Variants in MYO1E observed in about 807,000 individuals in gnomAD.
The protein encoded by MYO1E is myosin IE, also known as unconventional myosin-Ie.
Under a neutral mutation model 151.1 loss-of-function variants are expected in MYO1E, and 68 were observed. The ratio of observed to expected loss-of-function variants is 0.45; its 90% CI spans 0.37 to 0.55. The LOEUF is 0.55. Ranked by LOEUF, MYO1E falls within the 20% of genes least tolerant of loss-of-function variation. The pLI is 0.00. For synonymous variants in MYO1E, 601 were observed against 501.7 expected (o/e 1.20, Z -2.64); for missense variants, 1,363 against 1,389.3 (o/e 0.98, Z 0.30).
intron 16 of MYO1E, among the ~76,000 whole-genome samples, chr15:59,196,720 G>A (rs1354009544): frequency 2.6e-5 from 4 of 152,108 alleles, no homozygotes; most frequent in Non-Finnish European, 4.4e-5. Context: ...CATTCTTTGC[G>A]ATGCTTGAAA....
chr15:59,312,558 A>G (rs578089249), intron 1 of MYO1E, among the ~76,000 whole-genome samples: 3 of 152,284 alleles, frequency 2.0e-5, no homozygotes, highest in Non-Finnish European at 4.4e-5. Context: ...GGCTGTTACA[A>G]TGGCATCATA....
At chr15:59,361,270 A>G (rs1426451972) in intron 1 of MYO1E, among the ~76,000 whole-genome samples, 2 of 152,246 alleles carry the variant, frequency 1.3e-5, no homozygotes, top group Non-Finnish European at 2.9e-5. Context: ...GCACAAAATC[A>G]TAAGAAAGTA....
At chr15:59,356,693 T>G (rs1267991125) in intron 1 of MYO1E, among the ~76,000 whole-genome samples, 2 of 146,332 alleles carry the variant, frequency 1.4e-5, no homozygotes, top group Non-Finnish European at 3.1e-5. Context: ...TCCTCCCACA[T>G]AAGCCTCCCA....
At chr15:59,331,957 T>G (rs577656542) in intron 1 of MYO1E, among the ~76,000 whole-genome samples, 9 of 152,290 alleles carry the variant, frequency 5.9e-5, no homozygotes, top group African/African-American at 2.2e-4. Context: ...AATTTCACAG[T>G]AAGGGTAACG....
At chr15:59,181,700 A>G (rs1385419562) in intron 18 of MYO1E, among the ~76,000 whole-genome samples, 1 of 152,224 alleles carries the variant, frequency 6.6e-6, no homozygotes, top group Non-Finnish European at 1.5e-5. Flanking sequence ...TTCCTAAGCA[A>G]ACACTATGCT....
At position 59,335,867 on chromosome 15, in the gene MYO1E, G is replaced by A. The variant is rs190516606; in HGVS notation, c.3+36631C>T. Among the ~76,000 whole-genome samples, 211 of 152,198 alleles carry A rather than the reference G, an allele frequency of 1.4e-3. 3 individuals carry two copies. Among genetic ancestry groups the A allele is most frequent in the South Asian group, 1.7e-3 (8 of 4,816 alleles). On this transcript the variant is annotated intron_variant, in intron 1 of 27. Transcript: ENST00000288235. ...GTGGCCCTGATTCATGCGGAGGAAT[G>A]AGTGTCACGGACTATAAGCGGTGCT...
At chr15:59,204,837 G>T (rs1409551349) in intron 15 of MYO1E, among the ~76,000 whole-genome samples, 1 of 152,186 alleles carries the variant, frequency 6.6e-6, no homozygotes, top group Non-Finnish European at 1.5e-5. Context: ...ATGAAGAAGA[G>T]CTCAGGGGCA....
chr15:59,224,170 G>A (rs984271414), intron 8 of MYO1E, among the ~76,000 whole-genome samples: 1 of 152,146 alleles, frequency 6.6e-6, no homozygotes, highest in East Asian at 1.9e-4. Flanking sequence ...AATCTACCTA[G>A]TTTCACAGCT....
At chr15:59,233,829 A>C (rs1255796957) in intron 5 of MYO1E, among the ~76,000 whole-genome samples, 3 of 151,864 alleles carry the variant, frequency 2.0e-5, no homozygotes, top group African/African-American at 7.2e-5. Context: ...TAGGGAAGCC[A>C]TAAGCTACCC....
intron 10 of MYO1E, among the ~76,000 whole-genome samples, chr15:59,217,197 C>CT (rs2079924108): frequency 6.6e-6 from 1 of 152,164 alleles, no homozygotes; most frequent in African/African-American, 2.4e-5. Context: ...AAAATAAGTG[C>CT]TTATGGTTTC....
intron 21 of MYO1E, among the ~76,000 whole-genome samples, chr15:59,172,793 A>G (rs1327153832): frequency 6.6e-6 from 1 of 152,256 alleles, no homozygotes; most frequent in East Asian, 1.9e-4. Flanking sequence ...CAATAATCTA[A>G]TAGAAATCTA....
At chr15:59,200,472 C>A (rs554126363) in intron 16 of MYO1E, among the ~76,000 whole-genome samples, 4 of 151,836 alleles carry the variant, frequency 2.6e-5, no homozygotes, top group Non-Finnish European at 5.9e-5. Context: ...ATGTTCTTGA[C>A]GCTCAGAGGG....
chr15:59,243,228 T>C (rs2080110630), intron 4 of MYO1E, among the ~76,000 whole-genome samples: 1 of 151,986 alleles, frequency 6.6e-6, no homozygotes, highest in African/African-American at 2.4e-5. Context: ...TCTAGAGTTA[T>C]AAAAGATGAA....
intron 18 of MYO1E, among the ~76,000 whole-genome samples, chr15:59,182,281 T>C (rs757473340): frequency 2.0e-5 from 3 of 152,130 alleles, no homozygotes; most frequent in Admixed American, 6.5e-5. Context: ...GGCGCAGTCT[T>C]GGTTCACTGC....
At chr15:59,198,885 C>G (rs1167702177) in intron 16 of MYO1E, among the ~76,000 whole-genome samples, 1 of 151,930 alleles carries the variant, frequency 6.6e-6, no homozygotes, top group Non-Finnish European at 1.5e-5. Context: ...TGCATGATGC[C>G]TGTACTTCCT....
At position 59,183,406 on chromosome 15, in the gene MYO1E, C is replaced by G. The variant is rs562010859; in HGVS notation, c.1904+4712G>C. On this transcript the variant is annotated intron_variant, in intron 18 of 27. Coordinates refer to ENST00000288235, the MANE Select transcript of MYO1E (RefSeq NM_004998.4). ...AGTCTTGCTCTGTCACCCAGGCTAACTCACTGTGGCCTTGACCTCCTGGGC... is the reference window on the plus strand; with the variant it reads ...AGTCTTGCTCTGTCACCCAGGCTAAGTCACTGTGGCCTTGACCTCCTGGGC... Among the ~76,000 whole-genome samples, 365 of 150,878 alleles carry G rather than the reference C, an allele frequency of 2.4e-3. 6 individuals carry two copies. The highest frequency in any genetic ancestry group is 6.1e-3 in the African/African-American group (250 of 41,040).
At chr15:59,236,815 T>C in intron 4 of MYO1E, 143 bp from the exon 5 acceptor site, 2 of 744,944 alleles carry the variant, frequency 2.7e-6, no homozygotes, top group Admixed American at 2.2e-5. Flanking sequence ...TTAAGTACAA[T>C]ACCAGTAGAG....
chr15:59,208,524 T>C (rs2079855412), intron 14 of MYO1E, 157 bp downstream of exon 14: 1 of 868,594 alleles, frequency 1.2e-6, no homozygotes, highest in African/African-American at 1.7e-5. Flanking sequence ...AATGCAGTAG[T>C]ATATACAATC....
chr15:59,316,878 C>T (rs979101785), intron 1 of MYO1E, among the ~76,000 whole-genome samples: 3 of 152,154 alleles, frequency 2.0e-5, no homozygotes, highest in Admixed American at 2.0e-4. Context: ...ACCCAAGTAC[C>T]TGTGAAAGTT....
Sources: gnomAD v4.1 joint callset for allele counts (sites outside exome capture counted in the v4.1 genomes callset) on GRCh38, gnomAD v4.1.1 for gene constraint, MANE v1.5 for transcripts, NCBI Gene and HGNC (gene_info 2026-07-23, HGNC 2026-07-21) for gene names.